SPATA18: variants seen among roughly 807,000 people sequenced by gnomAD.
The protein encoded by SPATA18 is spermatogenesis associated 18.
SPATA18 carries 54 observed loss-of-function variants against 68.1 expected under a neutral mutation model. That is an observed-to-expected ratio of 0.79 (90% CI 0.64 to 0.99). The LOEUF (loss-of-function observed/expected upper bound fraction) is 0.99, where lower values mean the gene tolerates loss of function less well. Ranked by LOEUF, SPATA18 falls within the 50% of genes least tolerant of loss-of-function variation. The pLI is 0.00. For synonymous variants in SPATA18, 242 were observed against 244.8 expected (o/e 0.99, Z 0.11); for missense variants, 724 against 681.1 (o/e 1.06, Z -0.70).
In SPATA18 at chr4:52,095,078, T is replaced by A. The variant is rs1171402121; in HGVS notation, c.*191T>A. ...GTAACTTTAGATATATTGCATTCTATTTTATTTTATAGATACTAATTCCAT... is the reference window on the plus strand; with the variant it reads ...GTAACTTTAGATATATTGCATTCTAATTTATTTTATAGATACTAATTCCAT... On this transcript the variant is annotated 3_prime_UTR_variant, in exon 13 of 13. Transcript: ENST00000295213. 2 of 615,140 alleles carry A rather than the reference T, an allele frequency of 3.3e-6. No homozygotes were observed. Among genetic ancestry groups the A allele is most frequent in the African/African-American group, 3.7e-5 (2 of 54,018 alleles). 38.1% of individuals were successfully genotyped at this position (615,140 alleles called of 1,614,324 possible).
At position 52,094,945 on chromosome 4, in the gene SPATA18, C is replaced by A; in HGVS notation, c.*58C>A. On this transcript the variant is annotated 3_prime_UTR_variant, in exon 13 of 13. Coordinates refer to ENST00000295213, the MANE Select transcript of SPATA18 (RefSeq NM_145263.4). ...TGGAAACAGCTGCTTTCTCCAGTGC[C>A]GCCATCTGTCTTCTGTGTCTGCCTC... 1 of 1,605,256 alleles carries A rather than the reference C, an allele frequency of 6.2e-7. No homozygotes were observed.
intron 12 of SPATA18, 71 bp downstream of exon 12, chr4:52,094,643 C>A (rs752176928): frequency 3.3e-5 from 48 of 1,465,636 alleles, no homozygotes; most frequent in South Asian, 2.1e-4. Context: ...TAGCACTGAG[C>A]AGCAAAATGA....
At chr4:52,073,749 A>G (rs1033118163) in intron 6 of SPATA18, among the ~76,000 whole-genome samples, 5 of 152,222 alleles carry the variant, frequency 3.3e-5, no homozygotes, top group East Asian at 1.9e-4. Flanking sequence ...TTTGGAAACC[A>G]GTCAGTAAAG....
intron 11 of SPATA18, among the ~76,000 whole-genome samples, chr4:52,089,759 G>C (rs530084258): frequency 6.6e-6 from 1 of 152,212 alleles, no homozygotes; most frequent in African/African-American, 2.4e-5. Context: ...TGTATATTCT[G>C]TTGATTTGGG....
chr4:52,081,822 G>A (rs1053878542), intron 9 of SPATA18, among the ~76,000 whole-genome samples: 1 of 121,440 alleles, frequency 8.2e-6, no homozygotes, highest in South Asian at 2.4e-4. Context: ...TTTAATCAAT[G>A]TCATCTTTTT....
chr4:52,077,755 G>A (rs1479043609), intron 7 of SPATA18, among the ~76,000 whole-genome samples: 1 of 152,084 alleles, frequency 6.6e-6, no homozygotes, highest in Non-Finnish European at 1.5e-5. Flanking sequence ...GTTTAATTAA[G>A]AGTAGTTATT....
Position 52,096,485 on chromosome 4 carries a change from A to C in SPATA18, c.*1598A>C, listed in dbSNP as rs1742433055. ...AAAATTAAAGTTAATATAATCATCT[A>C]TGTGCATGTATAATTTTAAGCAGTG... is the stretch of plus-strand genomic sequence containing the variant. On this transcript the variant is annotated 3_prime_UTR_variant, in exon 13 of 13. Transcript: ENST00000295213. 1 of 152,164 alleles carries C rather than the reference A, an allele frequency of 6.6e-6. No individual in the cohort carries two copies. The highest frequency in any genetic ancestry group is 1.5e-5 in the Non-Finnish European group (1 of 68,030). The allele number at this position is 152,164 out of a possible 1,614,324, so 9.4% of individuals were successfully genotyped here. A position where few individuals can be genotyped will look rare whatever the true frequency, so the allele number is the denominator to read the frequency against.
intron 7 of SPATA18, 135 bp from the exon 8 acceptor site, chr4:52,078,600 A>G (rs1740616195): frequency 1.0e-5 from 7 of 689,532 alleles, no homozygotes; most frequent in Non-Finnish European, 1.6e-5. Context: ...CAGACTAAAA[A>G]TGTTTTTGAT....
rs192295241 is a variant in SPATA18 at position 52,082,326 on chromosome 4, T to C, written c.1356-61T>C. The C allele has an allele frequency of 9.3e-5, 137 of 1,468,798 alleles. No homozygotes were observed. The East Asian group carries it at 3.0e-3, about 32-fold the overall frequency. The allele number at this position is 1,468,798 out of a possible 1,614,324, so 91.0% of individuals were successfully genotyped here. ...AAAATGAGAATTCACACTGATGTTT[T>C]CCCCTAGATATGCTCCATAATTGCT... On this transcript the variant is annotated intron_variant, in intron 9 of 12. Coordinates refer to ENST00000295213, the MANE Select transcript of SPATA18 (RefSeq NM_145263.4).
intron 4 of SPATA18, among the ~76,000 whole-genome samples, 186 bp downstream of exon 4, chr4:52,062,518 G>T (rs1473711556): frequency 6.6e-6 from 1 of 152,092 alleles, no homozygotes; most frequent in Non-Finnish European, 1.5e-5. Context: ...CAGAGAGAGA[G>T]AGTCAGTGGT....
intron 10 of SPATA18, chr4:52,083,134 T>C (rs1741098779): frequency 1.0e-6 from 1 of 985,400 alleles, no homozygotes; most frequent in Non-Finnish European, 1.2e-6. Flanking sequence ...AGCATGTGGG[T>C]GTGTACGTGT....
chr4:52,091,041 A>C (rs138434974), intron 11 of SPATA18, among the ~76,000 whole-genome samples: 25 of 151,644 alleles, frequency 1.6e-4, no homozygotes, highest in African/African-American at 5.1e-4. Context: ...CATTAAGTTA[A>C]TCTTCAATCA....
chr4:52,086,350 G>A (rs571038856), intron 11 of SPATA18, among the ~76,000 whole-genome samples: 13 of 152,106 alleles, frequency 8.5e-5, no homozygotes, highest in Non-Finnish European at 1.5e-4. Flanking sequence ...CTGGTGGTTT[G>A]ATGCACCCAT....
chr4:52,089,914 G>T (rs1259114270), intron 11 of SPATA18, among the ~76,000 whole-genome samples: 1 of 152,174 alleles, frequency 6.6e-6, no homozygotes, highest in African/African-American at 2.4e-5. Context: ...TTGTGTGGGA[G>T]TATAAGTCTC....
chr4:52,084,146 C>T (rs11936095), intron 10 of SPATA18, among the ~76,000 whole-genome samples: 26,062 of 151,982 alleles, frequency 0.17, 2,575 homozygotes, highest in East Asian at 0.4. Context: ...ATACTTCTTG[C>T]TCCTACAGCA....
In SPATA18 at chr4:52,077,011, G is replaced by T. The variant is rs193921037; in HGVS notation, c.991G>T (p.Val331Phe). ...GCGCTGCATCGACAAGGCTGAGACC[G>T]TTCAGCGGATCATCTACATCGCCAC... ...LRRCIDKAET[V>F]QRIIYIATVE... The change falls in exon 7 of 13, where the codon GTT becomes TTT. Residue 331 changes from valine (V) to phenylalanine (F), a missense_variant. Coordinates refer to ENST00000295213, the MANE Select transcript of SPATA18 (RefSeq NM_145263.4). 3 of 1,609,242 alleles carry T rather than the reference G, an allele frequency of 1.9e-6. No homozygotes were observed. In the African/African-American group the frequency reaches 4.0e-5, roughly 21 times the overall value.
intron 4 of SPATA18, among the ~76,000 whole-genome samples, chr4:52,067,938 T>C (rs907248260): frequency 2.0e-5 from 3 of 152,236 alleles, no homozygotes; most frequent in Non-Finnish European, 4.4e-5. Flanking sequence ...AATGATCAGA[T>C]ATGCAACAAA....
intron 1 of SPATA18, among the ~76,000 whole-genome samples, chr4:52,060,069 G>A (rs1365040559): frequency 1.3e-5 from 2 of 152,146 alleles, no homozygotes; most frequent in South Asian, 2.1e-4. Context: ...CATCCCTTAT[G>A]CCCTCAGCAT....
At chr4:52,090,113 T>C (rs987260593) in intron 11 of SPATA18, among the ~76,000 whole-genome samples, 5 of 152,176 alleles carry the variant, frequency 3.3e-5, no homozygotes, top group African/African-American at 1.2e-4. Flanking sequence ...CCCTGCTTTT[T>C]TTTGCTTTCC....
Sources: gnomAD v4.1 joint callset for allele counts (sites outside exome capture counted in the v4.1 genomes callset) on GRCh38, gnomAD v4.1.1 for gene constraint, MANE v1.5 for transcripts, NCBI Gene and HGNC (gene_info 2026-07-23, HGNC 2026-07-21) for gene names.